Variants in ARHGAP20 observed in about 807,000 individuals in gnomAD.
ARHGAP20 encodes the protein Rho GTPase activating protein 20, also known as rho GTPase-activating protein 20.
ARHGAP20 carries 34 observed loss-of-function variants against 73.7 expected under a neutral mutation model. The observed-to-expected ratio is 0.46, with a 90% CI of 0.35 to 0.61. The LOEUF (loss-of-function observed/expected upper bound fraction) is 0.61. ARHGAP20 is among the 20% of genes least tolerant of loss of function. The pLI, the probability that ARHGAP20 is intolerant of heterozygous loss-of-function variation, is 0.00. For missense variants in ARHGAP20, 1,314 were observed against 1,420.9 expected (o/e 0.92, Z 1.21); for synonymous variants, 523 against 518.2 (o/e 1.01, Z -0.13).
Position 110,577,653 on chromosome 11 carries a change from G to C in ARHGAP20, c.*1717C>G, listed in dbSNP as rs913019431. 2.0e-6 allele frequency: 2 copies of C among 985,718 alleles called. No individual in the cohort carries two copies. The highest frequency in any genetic ancestry group is 1.7e-5 in the African/African-American group (1 of 57,226). The allele number at this position is 985,718 out of a possible 1,614,324, so 61.1% of individuals were successfully genotyped here. A position where few individuals can be genotyped will look rare whatever the true frequency, so the allele number is the denominator to read the frequency against. On this transcript the variant is annotated 3_prime_UTR_variant, in exon 15 of 15. Transcript: ENST00000683387. Reference sequence around the variant, plus strand: ...CTTAGAAGTCTTAATATGTAGGACTGGTTAGTTATAAAGTGAAATCGACTT... The same window carrying C: ...CTTAGAAGTCTTAATATGTAGGACTCGTTAGTTATAAAGTGAAATCGACTT...
chr11:110,676,590 T>C (rs1302577618), intron 2 of ARHGAP20, among the ~76,000 whole-genome samples: 1 of 152,178 alleles, frequency 6.6e-6, no homozygotes, highest in African/African-American at 2.4e-5. Flanking sequence ...GTGGGGATTA[T>C]GGGAACTACA....
chr11:110,684,872 G>GGGAACACAC (rs71057021), intron 2 of ARHGAP20, among the ~76,000 whole-genome samples: 2 of 151,652 alleles, frequency 1.3e-5, no homozygotes, highest in East Asian at 3.9e-4. Context: ...AGGAAACAAT[G>GGGAACACAC]GGACAGAAAC....
intron 13 of ARHGAP20, among the ~76,000 whole-genome samples, chr11:110,583,035 T>C (rs1947515812): frequency 6.6e-6 from 1 of 152,206 alleles, no homozygotes; most frequent in South Asian, 2.1e-4. Context: ...CTTGCCCCAG[T>C]AGCTGAGGCC....
intron 11 of ARHGAP20, among the ~76,000 whole-genome samples, chr11:110,590,186 A>C (rs1010412061): frequency 2.0e-5 from 3 of 151,784 alleles, no homozygotes; most frequent in African/African-American, 7.3e-5. Flanking sequence ...CAGTGATCTC[A>C]GCAATTTTTT....
At chr11:110,666,662 T>A (rs1949729888) in intron 2 of ARHGAP20, among the ~76,000 whole-genome samples, 1 of 152,208 alleles carries the variant, frequency 6.6e-6, no homozygotes, top group Non-Finnish European at 1.5e-5. Flanking sequence ...ACCATTTTTT[T>A]CCAACAGCAT....
intron 10 of ARHGAP20, 99 bp from the exon 11 acceptor site, chr11:110,590,908 G>C: frequency 8.2e-7 from 1 of 1,217,856 alleles, no homozygotes; most frequent in Non-Finnish European, 1.1e-6. Context: ...GGGTGCGCTA[G>C]GGTAAAAGCA....
In ARHGAP20 at chr11:110,580,492, C is replaced by G. The variant is rs1447492828; in HGVS notation, c.2454G>C (p.Gln818His). Residue 818 changes from glutamine (Q) to histidine (H), a missense_variant, in exon 15 of 15, where the codon CAG becomes CAC. By Grantham distance (24) the Gln-to-His change is conservative (BLOSUM62 0). Around this residue, in one of 3 missense-constraint regions of ARHGAP20, gnomAD observed 641 missense variants for 636.9 expected, o/e 1.01. Transcript: ENST00000683387. ...PMSSQDHSKN[Q>H]PFDVNTSGYS... ...ATCCAGATGTATTCACATCAAAGGGCTGGTTCTTGGAATGATCCTGTGAGG... is the reference window on the plus strand; with the variant it reads ...ATCCAGATGTATTCACATCAAAGGGGTGGTTCTTGGAATGATCCTGTGAGG... 1 of 1,613,998 alleles carries G rather than the reference C, an allele frequency of 6.2e-7. No individual in the cohort carries two copies. The highest frequency in any genetic ancestry group is 1.1e-5 in the South Asian group (1 of 91,070).
chr11:110,711,369 G>A (rs1950650559), intron 1 of ARHGAP20, among the ~76,000 whole-genome samples: 1 of 151,300 alleles, frequency 6.6e-6, no homozygotes, highest in Non-Finnish European at 1.5e-5. Flanking sequence ...AGTGCAGGGA[G>A]AAGGTCCCCC....
At chr11:110,699,393 T>C (rs1308470197) in intron 1 of ARHGAP20, among the ~76,000 whole-genome samples, 1 of 151,954 alleles carries the variant, frequency 6.6e-6, no homozygotes, top group South Asian at 2.1e-4. Context: ...TCGGCTAGAA[T>C]GTTCTGTAAA....
At chr11:110,593,456 T>C (rs1947877295) in intron 9 of ARHGAP20, among the ~76,000 whole-genome samples, 1 of 152,156 alleles carries the variant, frequency 6.6e-6, no homozygotes, top group Non-Finnish European at 1.5e-5. Flanking sequence ...AAAATAAACC[T>C]AGCTGAAGGC....
At chr11:110,581,585 C>T (rs1024144350) in intron 14 of ARHGAP20, among the ~76,000 whole-genome samples, 2 of 152,192 alleles carry the variant, frequency 1.3e-5, no homozygotes, top group Non-Finnish European at 1.5e-5. Context: ...GTTATACATA[C>T]TTAACACTAG....
At chr11:110,641,075 A>G (rs576126055) in intron 2 of ARHGAP20, among the ~76,000 whole-genome samples, 2 of 152,178 alleles carry the variant, frequency 1.3e-5, no homozygotes, top group Admixed American at 1.3e-4. Context: ...AAGGGCTTAA[A>G]AGCAAGAAAT....
rs2135170772 is a variant in ARHGAP20, at chr11:110,712,337, G to T, written c.-106C>A. 2 of 970,862 alleles carry T rather than the reference G, an allele frequency of 2.1e-6. No homozygotes were observed. The highest frequency in any genetic ancestry group is 4.5e-5 in the South Asian group (1 of 22,136). 60.1% of individuals were successfully genotyped at this position (970,862 alleles called of 1,614,324 possible). ...ACGCGCGGGCGGAGGCGCGGCTGCCGTGCTCAGGCAGGGAGCCGAGCTCCG... is the reference window on the plus strand; with the variant it reads ...ACGCGCGGGCGGAGGCGCGGCTGCCTTGCTCAGGCAGGGAGCCGAGCTCCG... On this transcript the variant is annotated 5_prime_UTR_variant, in exon 1 of 15. Transcript: ENST00000683387.
At chr11:110,626,460 T>C (rs1948746219) in intron 3 of ARHGAP20, among the ~76,000 whole-genome samples, 1 of 152,172 alleles carries the variant, frequency 6.6e-6, no homozygotes, top group Admixed American at 6.5e-5. Flanking sequence ...TATACCATTG[T>C]TGTAAATACT....
At chr11:110,711,723 C>T in intron 1 of ARHGAP20, 1 of 1,404,556 alleles carries the variant, frequency 7.1e-7, no homozygotes, top group East Asian at 3.0e-5. Context: ...GCTGACACCG[C>T]CAAAGGGCAG....
intron 2 of ARHGAP20, among the ~76,000 whole-genome samples, chr11:110,643,505 G>C (rs1360841317): frequency 6.6e-6 from 1 of 151,910 alleles, no homozygotes; most frequent in Non-Finnish European, 1.5e-5. Context: ...TTTGATTTCT[G>C]CCTTAATTTC....
chr11:110,607,999 ACAGT>A (rs1281293798), intron 8 of ARHGAP20, among the ~76,000 whole-genome samples: 2 of 152,196 alleles, frequency 1.3e-5, no homozygotes, highest in Non-Finnish European at 2.9e-5. Flanking sequence ...AACCTGAAAC[ACAGT>A]CAATTTTGTC....
chr11:110,581,280 T>C (rs970339360), intron 14 of ARHGAP20, 55 bp from the exon 15 acceptor site: 6 of 1,487,126 alleles, frequency 4.0e-6, no homozygotes, highest in Admixed American at 4.4e-5. Flanking sequence ...AATATACTCA[T>C]GCTTCCTTAA....
At chr11:110,598,732 C>T (rs1206354903) in intron 9 of ARHGAP20, among the ~76,000 whole-genome samples, 2 of 152,110 alleles carry the variant, frequency 1.3e-5, no homozygotes, top group Admixed American at 1.3e-4. Flanking sequence ...ATGGCCAGGG[C>T]TGCAGGATTC....
Sources: allele counts gnomAD v4.1 joint callset (sites outside exome capture counted in the v4.1 genomes callset), GRCh38; gene constraint gnomAD v4.1.1; regional missense constraint gnomAD v4.1.1; transcripts MANE v1.5; gene names NCBI Gene and HGNC (gene_info 2026-07-23, HGNC 2026-07-21).